Variants in NCKAP5 observed in about 807,000 individuals in gnomAD.
NCKAP5 encodes the protein nck-associated protein 5.
A neutral mutation model predicts 167.0 loss-of-function variants in NCKAP5; 92 were observed. The ratio of observed to expected loss-of-function variants is 0.55; its 90% CI spans 0.47 to 0.66. NCKAP5 has a LOEUF of 0.66. Ranked by LOEUF, NCKAP5 falls within the 30% of genes least tolerant of loss-of-function variation. The probability of loss-of-function intolerance (pLI) is 0.00; values close to 1 mark genes in which losing one functional copy is unlikely to be tolerated. For synonymous variants in NCKAP5, 891 were observed against 877.4 expected, an observed-to-expected ratio of 1.02 and a Z score of -0.27; for missense variants, 2,378 against 2,315.0, an observed-to-expected ratio of 1.03 and a Z score of -0.56.
Position 133,501,563 on chromosome 2 carries a change from A to C in NCKAP5, c.69+15895T>G, listed in dbSNP as rs546922122. Among the ~76,000 whole-genome samples, 8 of 152,292 alleles carry C rather than the reference A, an allele frequency of 5.3e-5. No individual in the cohort carries two copies. In the South Asian group the frequency reaches 1.5e-3, roughly 28 times the overall value. ...TTAACTTTACTAATCAGAATATTTT[A>C]TTTGCATTTATAGATGTGAATGAAG... On this transcript the variant is annotated intron_variant, in intron 3 of 19. Transcript: ENST00000409261.
At chr2:133,187,083 G>A (rs2084978454) in intron 5 of NCKAP5, among the ~76,000 whole-genome samples, 1 of 151,948 alleles carries the variant, frequency 6.6e-6, no homozygotes, top group Admixed American at 6.6e-5. Context: ...CTTGATGAAG[G>A]TGTTTAATGC....
At chr2:133,560,517 A>G (rs1034647571) in intron 1 of NCKAP5, among the ~76,000 whole-genome samples, 1 of 152,184 alleles carries the variant, frequency 6.6e-6, no homozygotes, top group Non-Finnish European at 1.5e-5. Context: ...AGTGTTCTTT[A>G]GGCTGAGAAG....
At chr2:133,589,519 G>C in the NCKAP5 span, among the ~76,000 whole-genome samples, 1 of 152,142 alleles carries the variant, frequency 6.6e-6, no homozygotes, top group African/African-American at 2.4e-5. Flanking sequence ...AGGAGAGAGA[G>C]ACCCAGGATG....
chr2:133,067,773 C>A (rs1286368136), intron 6 of NCKAP5, among the ~76,000 whole-genome samples: 1 of 152,130 alleles, frequency 6.6e-6, no homozygotes, highest in African/African-American at 2.4e-5. Flanking sequence ...GGAGCTGTTG[C>A]AGACTGTTTC....
At chr2:133,300,395 C>A (rs1222945010) in intron 4 of NCKAP5, among the ~76,000 whole-genome samples, 5 of 121,862 alleles carry the variant, frequency 4.1e-5, no homozygotes, top group African/African-American at 3.7e-5. Context: ...TACTGGCAAA[C>A]CGAATCCAGC....
At chr2:133,522,473 T>G (rs1361615464) in intron 2 of NCKAP5, among the ~76,000 whole-genome samples, 1 of 152,226 alleles carries the variant, frequency 6.6e-6, no homozygotes. Context: ...GTCAGTCTTC[T>G]GAAATAATAG....
intron 16 of NCKAP5, among the ~76,000 whole-genome samples, chr2:132,763,767 C>T (rs1423739263): frequency 6.6e-6 from 1 of 152,196 alleles, no homozygotes; most frequent in East Asian, 1.9e-4. Context: ...ATAGAACACA[C>T]GTTTCTCTTA....
intron 3 of NCKAP5, among the ~76,000 whole-genome samples, chr2:133,365,332 A>G (rs1366766283): frequency 6.6e-6 from 1 of 152,198 alleles, no homozygotes; most frequent in African/African-American, 2.4e-5. Context: ...TGTCTGATAG[A>G]AATGAACTTT....
chr2:133,569,032 T>C (rs1214056873), upstream of NCKAP5, among the ~76,000 whole-genome samples: 1 of 152,184 alleles, frequency 6.6e-6, no homozygotes, highest in African/African-American at 2.4e-5. Flanking sequence ...TTTCTTTTCC[T>C]GAGAAGAGTG....
intron 2 of NCKAP5, among the ~76,000 whole-genome samples, chr2:133,558,703 G>GAAAAAAAAAAAA (rs1687926915): frequency 1.9e-4 from 1 of 5,210 alleles, no homozygotes; most frequent in Non-Finnish European, 2.9e-4. Flanking sequence ...AATGTGCTGA[G>GAAAAAAAAAAAA]CAAAAAAAAA....
chr2:132,750,530 T>C (rs1263454326), intron 16 of NCKAP5, among the ~76,000 whole-genome samples: 1 of 152,052 alleles, frequency 6.6e-6, no homozygotes, highest in Non-Finnish European at 1.5e-5. Flanking sequence ...GGGAGTACAG[T>C]CTTGGGGGTG....
chr2:133,077,358 G>C (rs74536471), intron 6 of NCKAP5, among the ~76,000 whole-genome samples: 1 of 152,138 alleles, frequency 6.6e-6, no homozygotes, highest in Non-Finnish European at 1.5e-5. Context: ...AAGAAAAGCA[G>C]AAAGACATGT....
At chr2:133,539,557 T>C (rs1398830303) in intron 2 of NCKAP5, among the ~76,000 whole-genome samples, 1 of 151,170 alleles carries the variant, frequency 6.6e-6, no homozygotes, top group Non-Finnish European at 1.5e-5. Context: ...ATGAGAAATA[T>C]GATACAAGAA....
intron 3 of NCKAP5, among the ~76,000 whole-genome samples, chr2:133,353,496 T>C (rs1387678512): frequency 6.6e-6 from 1 of 152,090 alleles, no homozygotes; most frequent in Non-Finnish European, 1.5e-5. Context: ...GACAGGGAAA[T>C]GCTGGGTAGA....
At chr2:133,369,954 T>C (rs1418153711) in intron 3 of NCKAP5, among the ~76,000 whole-genome samples, 1 of 152,178 alleles carries the variant, frequency 6.6e-6, no homozygotes. Context: ...GAATGACTGG[T>C]TTAGCTGGGA....
chr2:133,320,385 C>G (rs1284229357), intron 3 of NCKAP5, among the ~76,000 whole-genome samples: 2 of 152,180 alleles, frequency 1.3e-5, no homozygotes, highest in East Asian at 3.9e-4. Flanking sequence ...CTCTAGACCT[C>G]CTCTCGCTGT....
intron 3 of NCKAP5, among the ~76,000 whole-genome samples, chr2:133,383,575 T>C (rs1686692939): frequency 6.6e-6 from 1 of 152,222 alleles, no homozygotes. Context: ...TTTGGTTATA[T>C]ACCCAGTAAT....
At chr2:133,187,606 TAAATC>T (rs2085003882) in intron 5 of NCKAP5, among the ~76,000 whole-genome samples, 1 of 152,032 alleles carries the variant, frequency 6.6e-6, no homozygotes, top group Non-Finnish European at 1.5e-5. Context: ...GATAATTAGA[TAAATC>T]AAAGATAATC....
At chr2:132,866,753 A>G (rs567015001) in intron 10 of NCKAP5, among the ~76,000 whole-genome samples, 27 of 152,134 alleles carry the variant, frequency 1.8e-4, no homozygotes, top group Non-Finnish European at 3.4e-4. Context: ...CACCTCAAGG[A>G]TCTTCTGGTG....
Sources: allele counts gnomAD v4.1 joint callset (sites outside exome capture counted in the v4.1 genomes callset), GRCh38; gene constraint gnomAD v4.1.1; transcripts MANE v1.5; gene names NCBI Gene and HGNC (gene_info 2026-07-23, HGNC 2026-07-21).